CNTN6: variants seen among roughly 807,000 people sequenced by gnomAD.
The protein encoded by CNTN6 is contactin-6.
CNTN6 carries 137 observed loss-of-function variants against 122.8 expected under a neutral mutation model. The observed-to-expected ratio is 1.12, with a 90% CI of 0.97 to 1.29. The LOEUF (loss-of-function observed/expected upper bound fraction) is 1.29, where lower values mean the gene tolerates loss of function less well. Ranked by LOEUF, CNTN6 falls within the 50% of genes most tolerant of loss-of-function variation. The pLI, the probability that CNTN6 is intolerant of heterozygous loss-of-function variation, is 0.00. For missense variants in CNTN6, 1,634 were observed against 1,223.4 expected, an observed-to-expected ratio of 1.34 and a Z score of -5.01; for synonymous variants, 570 against 426.0, an observed-to-expected ratio of 1.34 and a Z score of -4.16.
At chr3:1,398,517 A>C (rs1418627420) in intron 20 of CNTN6, among the ~76,000 whole-genome samples, 1 of 152,124 alleles carries the variant, frequency 6.6e-6, no homozygotes, top group Non-Finnish European at 1.5e-5. Context: ...ATCATTTGCA[A>C]ACTTCAGAGT....
At chr3:1,241,176 T>C (rs2094478034) in intron 4 of CNTN6, among the ~76,000 whole-genome samples, 1 of 152,168 alleles carries the variant, frequency 6.6e-6, no homozygotes, top group Admixed American at 6.5e-5. Context: ...TCAGGCCATC[T>C]GGATGTATAC....
chr3:1,287,835 C>T (rs1264822746), intron 5 of CNTN6, among the ~76,000 whole-genome samples: 1 of 152,164 alleles, frequency 6.6e-6, no homozygotes, highest in African/African-American at 2.4e-5. Flanking sequence ...TGTGAGGAAC[C>T]TTCAGTCCTG....
At chr3:1,342,539 C>A (rs1380652324) in intron 11 of CNTN6, among the ~76,000 whole-genome samples, 1 of 151,958 alleles carries the variant, frequency 6.6e-6, no homozygotes, top group African/African-American at 2.4e-5. Flanking sequence ...GTTTCCTTTC[C>A]TTTCCCTCTT....
intron 11 of CNTN6, among the ~76,000 whole-genome samples, chr3:1,332,511 G>GAAGGAAGGAAGA (rs1702441572): frequency 1.7e-5 from 2 of 114,418 alleles, no homozygotes; most frequent in Non-Finnish European, 3.5e-5. Flanking sequence ...AGGAAGGAAG[G>GAAGGAAGGAAGA]AAGGAAGGAA....
intron 8 of CNTN6, among the ~76,000 whole-genome samples, chr3:1,322,878 A>G (rs1391967): frequency 0.2 from 29,835 of 151,656 alleles, 3,626 homozygotes; most frequent in East Asian, 0.53. Context: ...AAGAAAAACA[A>G]TATTTTTTTT....
chr3:1,108,839 T>C (rs913392323), intron 1 of CNTN6, among the ~76,000 whole-genome samples: 2 of 152,072 alleles, frequency 1.3e-5, no homozygotes, highest in Admixed American at 1.3e-4. Flanking sequence ...TAAGGGTAAA[T>C]ACAAGAATTA....
intron 5 of CNTN6, among the ~76,000 whole-genome samples, chr3:1,286,024 C>T (rs1694274654): frequency 6.6e-6 from 1 of 152,156 alleles, no homozygotes; most frequent in South Asian, 2.1e-4. Context: ...TTCCTTCCCT[C>T]CACTTTCAGA....
intron 14 of CNTN6, 150 bp downstream of exon 14, chr3:1,373,105 G>A (rs1709314000): frequency 1.1e-5 from 6 of 554,914 alleles, no homozygotes; most frequent in Non-Finnish European, 1.9e-5. Context: ...AGGACTCCAT[G>A]GTATGGGTAG....
At position 1,227,969 on chromosome 3, in the gene CNTN6, C is replaced by A; in HGVS notation, c.334C>A (p.Arg112=). 6.2e-7 allele frequency: 1 copy of A among 1,613,282 alleles called. No individual in the cohort carries two copies. The highest frequency in any genetic ancestry group is 8.5e-7 in the Non-Finnish European group (1 of 1,179,716). Residue 112 remains arginine (R), a synonymous_variant, in exon 4 of 23, where the codon CGG becomes AGG. Coordinates refer to ENST00000446702, the MANE Select transcript of CNTN6 (RefSeq NM_001289080.2). The part of the protein sequence containing the change: ...ATNLLGTILS[R]KAKLQFAYIE... ...CAATCTTCTGGGGACAATTCTGAGT[C>A]GGAAGGCAAAGCTCCAATTTGCATG... is the stretch of plus-strand genomic sequence containing the variant.
Position 1,348,157 on chromosome 3 carries a change from C to CAAAAAAAAAA in CNTN6, c.1365-4157_1365-4148dup, listed in dbSNP as rs532282828. Among the ~76,000 whole-genome samples the CAAAAAAAAAA allele has an allele frequency of 1.2e-3, 76 of 64,268 alleles. 7 individuals carry two copies. The highest frequency in any genetic ancestry group is 4.5e-3 in the African/African-American group (65 of 14,578). The allele number at this position is 64,268 out of a possible 152,430, so 42.2% of individuals were successfully genotyped here. On this transcript the variant is annotated intron_variant, in intron 11 of 22. Coordinates refer to ENST00000446702, the MANE Select transcript of CNTN6 (RefSeq NM_001289080.2). ...AATATTAGTATTTCTATGCTATAGA[C>CAAAAAAAAAA]AAAAAAAAAAAAAAAAAAAGGACTT... is the stretch of plus-strand genomic sequence containing the variant.
chr3:1,372,254 G>A, intron 12 of CNTN6, 45 bp from the exon 13 acceptor site: 11 of 1,448,844 alleles, frequency 7.6e-6, no homozygotes, highest in Non-Finnish European at 1.0e-5. Context: ...ATAACCATAG[G>A]CTAGCATTTC....
At chr3:1,249,983 C>G (rs2094637974) in intron 4 of CNTN6, among the ~76,000 whole-genome samples, 1 of 151,884 alleles carries the variant, frequency 6.6e-6, no homozygotes, top group African/African-American at 2.4e-5. Flanking sequence ...TTTCTCAGTA[C>G]TCATTTAGAA....
rs542940085 is a variant in CNTN6, at chr3:1,249,333, T to C, written c.358+21340T>C. Among the ~76,000 whole-genome samples the C allele has an allele frequency of 2.0e-5, 3 of 152,314 alleles. No individual in the cohort carries two copies. In the South Asian group the frequency reaches 6.2e-4, roughly 32 times the overall value. On this transcript the variant is annotated intron_variant, in intron 4 of 22. Transcript: ENST00000446702. Reference sequence around the variant, plus strand: ...AAGCACCTACCATATGTGTCAAACATAAGTGCAAGCAGTAAGTAAAATAAG... The same window carrying C: ...AAGCACCTACCATATGTGTCAAACACAAGTGCAAGCAGTAAGTAAAATAAG...
chr3:1,399,728 G>C (rs1268637684), intron 20 of CNTN6, among the ~76,000 whole-genome samples: 3 of 152,052 alleles, frequency 2.0e-5, no homozygotes, highest in Non-Finnish European at 4.4e-5. Context: ...TTATTGTACA[G>C]TCATTTATTC....
At chr3:1,317,128 C>G (rs1700197177) in intron 7 of CNTN6, among the ~76,000 whole-genome samples, 1 of 151,924 alleles carries the variant, frequency 6.6e-6, no homozygotes, top group Admixed American at 6.6e-5. Flanking sequence ...ACCTGCTTCA[C>G]TTTTCTCCCA....
intron 6 of CNTN6, 63 bp from the exon 7 acceptor site, chr3:1,297,826 C>A: frequency 8.0e-7 from 1 of 1,257,844 alleles, no homozygotes. Context: ...GTTAATGAAG[C>A]ATTTACTTCA....
intron 7 of CNTN6, among the ~76,000 whole-genome samples, chr3:1,307,108 G>A (rs1030837843): frequency 1.3e-5 from 2 of 152,144 alleles, no homozygotes; most frequent in Non-Finnish European, 2.9e-5. Context: ...CCCCGGGGAG[G>A]TTGCAGGCTA....
intron 4 of CNTN6, among the ~76,000 whole-genome samples, chr3:1,252,241 A>C (rs868687807): frequency 6.6e-6 from 1 of 152,122 alleles, no homozygotes; most frequent in Non-Finnish European, 1.5e-5. Flanking sequence ...CCTACATCCA[A>C]CTGTGGGAAG....
chr3:1,097,745 A>T (rs2090609148), intron 1 of CNTN6, among the ~76,000 whole-genome samples: 1 of 152,180 alleles, frequency 6.6e-6, no homozygotes, highest in Admixed American at 6.5e-5. Context: ...AAAATCTTGG[A>T]AGAAAGCCTG....
Sources: gnomAD v4.1 joint callset for allele counts (sites outside exome capture counted in the v4.1 genomes callset) on GRCh38, gnomAD v4.1.1 for gene constraint, MANE v1.5 for transcripts, NCBI Gene and HGNC (gene_info 2026-07-23, HGNC 2026-07-21) for gene names.